Variants in ARRDC1 observed in about 807,000 individuals in gnomAD.
ARRDC1 encodes the protein arrestin domain-containing protein 1.
Under a neutral mutation model 40.1 loss-of-function variants are expected in ARRDC1, and 37 were observed. The observed-to-expected ratio is 0.92, with a 90% CI of 0.71 to 1.21. ARRDC1 has a LOEUF of 1.21. ARRDC1 is among the 50% of genes most tolerant of loss of function. The pLI is 0.00. For missense variants in ARRDC1, 641 were observed against 581.9 expected, an observed-to-expected ratio of 1.10 and a Z score of -1.04; for synonymous variants, 310 against 262.5, an observed-to-expected ratio of 1.18 and a Z score of -1.75.
At chr9:137,609,648 C>T (rs904479489) in intron 1 of ARRDC1, among the ~76,000 whole-genome samples, 3 of 152,184 alleles carry the variant, frequency 2.0e-5, no homozygotes, top group Non-Finnish European at 4.4e-5. Flanking sequence ...CCACAGCCTC[C>T]TGAGTGACTG....
At chr9:137,613,574 G>T in intron 3 of ARRDC1, 41 bp from the exon 4 acceptor site, 1 of 1,614,076 alleles carries the variant, frequency 6.2e-7, no homozygotes, top group Non-Finnish European at 8.5e-7. Context: ...GGCTCTGCAG[G>T]GTGGAAGGCA....
At chr9:137,607,849 G>C (rs1842449574) in intron 1 of ARRDC1, among the ~76,000 whole-genome samples, 1 of 152,162 alleles carries the variant, frequency 6.6e-6, no homozygotes, top group Non-Finnish European at 1.5e-5. Flanking sequence ...GCCCCAGCTG[G>C]AGAAGAAAGT....
chr9:137,610,849 C>A (rs1842503109), intron 1 of ARRDC1, among the ~76,000 whole-genome samples: 2 of 152,238 alleles, frequency 1.3e-5, no homozygotes, highest in Non-Finnish European at 2.9e-5. Flanking sequence ...AGGCATGAGC[C>A]ACCGTGCCCG....
intron 1 of ARRDC1, chr9:137,612,595 A>G (rs1297093368): frequency 3.0e-6 from 1 of 333,694 alleles, no homozygotes; most frequent in Non-Finnish European, 5.6e-6. Context: ...AGCCAAGGTT[A>G]CCAATCTGGG....
chr9:137,612,471 G>A (rs1005950353), intron 1 of ARRDC1: 1 of 212,446 alleles, frequency 4.7e-6, no homozygotes. Context: ...CCTGGAGTGT[G>A]GACGGGTCCT....
At chr9:137,608,558 C>A (rs1445645657) in intron 1 of ARRDC1, among the ~76,000 whole-genome samples, 2 of 152,252 alleles carry the variant, frequency 1.3e-5, no homozygotes, top group Non-Finnish European at 2.9e-5. Flanking sequence ...AGACCCCTCA[C>A]AATGGACCCC....
intron 1 of ARRDC1, among the ~76,000 whole-genome samples, chr9:137,609,738 C>T (rs994094964): frequency 1.3e-5 from 2 of 151,860 alleles, no homozygotes; most frequent in Non-Finnish European, 2.9e-5. Flanking sequence ...GTTACCTAGG[C>T]TGCTGTCACA....
Position 137,614,767 on chromosome 9 carries a change from C to T in ARRDC1, c.1004C>T (p.Ser335Phe). ...GPHFLDPVFLSTKSHSQRQPL... is the reference protein window; with the variant it reads ...GPHFLDPVFLFTKSHSQRQPL... Reference sequence around the variant, plus strand: ...CACTTCTTGGACCCCGTCTTCCTCTCCACCAAGAGCCATTCGCAGCGGCAG... The same window carrying T: ...CACTTCTTGGACCCCGTCTTCCTCTTCACCAAGAGCCATTCGCAGCGGCAG... The change falls in exon 7 of 8, where the codon TCC becomes TTC. Residue 335 changes from serine (S) to phenylalanine (F), a missense_variant. Physicochemically the swap from Ser to Phe is radical, Grantham distance 155 (BLOSUM62 -2). Transcript: ENST00000371421. 7 of 1,610,802 alleles carry T rather than the reference C, an allele frequency of 4.3e-6. No individual in the cohort carries two copies. The highest frequency in any genetic ancestry group is 5.9e-6 in the Non-Finnish European group (7 of 1,178,466).
chr9:137,614,155 G>A lies in ARRDC1; in HGVS notation c.559G>A (p.Ala187Thr). 1.2e-6 allele frequency: 2 copies of A among 1,612,670 alleles called. No individual in the cohort carries two copies. The highest frequency in any genetic ancestry group is 1.7e-6 in the Non-Finnish European group (2 of 1,179,200). The change falls in exon 5 of 8, where the codon GCC (alanine) becomes ACC (threonine). Residue 187 changes from alanine (A) to threonine (T), a missense_variant. By Grantham distance (58) the Ala-to-Thr change is moderately conservative. Transcript: ENST00000371421. ...GGTGGGGCAGGCACTGCAGCTGCATGCCGACGTTGAGAACCAGTCAGGCAA... is the reference window on the plus strand; with the variant it reads ...GGTGGGGCAGGCACTGCAGCTGCATACCGACGTTGAGAACCAGTCAGGCAA... ...YVVGQALQLH[A>T]DVENQSGKDT...
Position 137,605,850 on chromosome 9 carries a change from T to C in ARRDC1, c.118+15T>C. 1 of 1,236,216 alleles carries C rather than the reference T, an allele frequency of 8.1e-7. No individual in the cohort carries two copies. The highest frequency in any genetic ancestry group is 3.0e-5 in the South Asian group (1 of 33,450). 76.6% of individuals were successfully genotyped at this position (1,236,216 alleles called of 1,614,324 possible). On this transcript the variant is annotated intron_variant, in intron 1 of 7. Transcript: ENST00000371421. ...GCCGTTCCGAGGTGGGCGCGGGTCC[T>C]CGGGGAGGGCCTTTGGCCGCACCTG...
chr9:137,609,274 C>T (rs1252599083), intron 1 of ARRDC1, among the ~76,000 whole-genome samples: 1 of 152,156 alleles, frequency 6.6e-6, no homozygotes, highest in Non-Finnish European at 1.5e-5. Context: ...TCTTGTTACC[C>T]AGGCTGGAGT....
intron 1 of ARRDC1, among the ~76,000 whole-genome samples, chr9:137,610,498 T>G (rs1842495997): frequency 6.6e-6 from 1 of 151,878 alleles, no homozygotes; most frequent in Non-Finnish European, 1.5e-5. Flanking sequence ...TGGGTTTAAG[T>G]GATCCTCATG....
Position 137,605,828 on chromosome 9 carries a change from G to T in ARRDC1, c.111G>T (p.Pro37=). 1.6e-6 allele frequency: 2 copies of T among 1,257,830 alleles called. No homozygotes were observed. The highest frequency in any genetic ancestry group is 2.0e-6 in the Non-Finnish European group (2 of 999,764). The allele number at this position is 1,257,830 out of a possible 1,614,324, so 77.9% of individuals were successfully genotyped here. A position where few individuals can be genotyped will look rare whatever the true frequency, so the allele number is the denominator to read the frequency against. The stretch of plus-strand genomic sequence containing the variant: ...GCGTGCGCCTGGGGGCACCGCTGCC[G>T]TTCCGAGGTGGGCGCGGGTCCTCGG... ...TVRVRLGAPL[P]FRAIRVTCIG... is the part of the protein sequence containing the mutation. The change falls in exon 1 of 8, where the codon CCG becomes CCT. Residue 37 remains proline (P), a synonymous_variant. Coordinates refer to ENST00000371421, the MANE Select transcript of ARRDC1 (RefSeq NM_152285.4).
intron 1 of ARRDC1, among the ~76,000 whole-genome samples, chr9:137,610,093 C>CG (rs1287367570): frequency 6.6e-6 from 1 of 151,752 alleles, no homozygotes; most frequent in Non-Finnish European, 1.5e-5. Flanking sequence ...GGATTACAGG[C>CG]TGAGCCACTG....
rs201757129 is a variant in ARRDC1, at chr9:137,614,714, T to C, written c.951T>C (p.Ala317=). ...CTTCCGCACCACCCCAGGAGGAGGC[T>C]GAGGCTGAGGCTGCGGCTGGCGGCC... ...VVPSAPPQEE[A]EAEAAAGGPH... Residue 317 remains alanine (A), a synonymous_variant, in exon 7 of 8, where the codon GCT becomes GCC. Transcript: ENST00000371421. 1.9e-6 allele frequency: 3 copies of C among 1,608,572 alleles called. No homozygotes were observed. The highest frequency in any genetic ancestry group is 2.7e-5 in the African/African-American group (2 of 74,716).
chr9:137,612,710 T>C, intron 1 of ARRDC1, 186 bp from the exon 2 acceptor site: 1 of 569,028 alleles, frequency 1.8e-6, no homozygotes, highest in Non-Finnish European at 3.1e-6. Context: ...CCTGATTCCC[T>C]TGGAGCCCCC....
At chr9:137,609,921 C>CTCCTG in intron 1 of ARRDC1, among the ~76,000 whole-genome samples, 1 of 152,204 alleles carries the variant, frequency 6.6e-6, no homozygotes, top group Middle Eastern at 3.2e-3. Flanking sequence ...TCACGCCATT[C>CTCCTG]TCCTGCCTCA....
chr9:137,613,475 G>C lies in ARRDC1; in HGVS notation c.245G>C (p.Gly82Ala), dbSNP rs1180944951. The stretch of plus-strand genomic sequence containing the variant: ...GTCTCTGCAGGGAGCCTGCCCGCTG[G>C]AGAGCACAGCTTCCCCTTCCAGTTC... ...SLADKGSLPA[G>A]EHSFPFQFLL... The change falls in exon 3 of 8, where the codon GGA (glycine) becomes GCA (alanine). Residue 82 changes from glycine (G) to alanine (A), a missense_variant. Coordinates refer to ENST00000371421, the MANE Select transcript of ARRDC1 (RefSeq NM_152285.4). 6.2e-7 allele frequency: 1 copy of C among 1,612,590 alleles called. No individual in the cohort carries two copies. The highest frequency in any genetic ancestry group is 8.5e-7 in the Non-Finnish European group (1 of 1,179,872).
intron 4 of ARRDC1, 128 bp downstream of exon 4, chr9:137,613,897 G>A (rs925586715): frequency 5.2e-6 from 8 of 1,524,862 alleles, no homozygotes; most frequent in Middle Eastern, 1.8e-4. Flanking sequence ...GGGTCTGGAG[G>A]CAGTGGCCTC....
Sources: allele counts gnomAD v4.1 joint callset (sites outside exome capture counted in the v4.1 genomes callset), GRCh38; gene constraint gnomAD v4.1.1; transcripts MANE v1.5; gene names NCBI Gene and HGNC (gene_info 2026-07-23, HGNC 2026-07-21).